The following FGF13 variants were observed in gnomAD, a reference collection of about 807,000 sequenced individuals.
The protein encoded by FGF13 is fibroblast growth factor homologous factor 2.
Under a neutral mutation model 19.5 loss-of-function variants are expected in FGF13, and 2 were observed. That is an observed-to-expected ratio of 0.10 (90% CI 0.04 to 0.32). FGF13 has a LOEUF of 0.32. Ranked by LOEUF, FGF13 falls within the 10% of genes least tolerant of loss-of-function variation. The probability of loss-of-function intolerance (pLI) is 1.00; values close to 1 mark genes in which losing one functional copy is unlikely to be tolerated. For synonymous variants in FGF13, 72 were observed against 76.9 expected (o/e 0.94, Z 0.33); for missense variants, 113 against 192.7 (o/e 0.59, Z 2.45).
chrX:138,838,587 A>G (rs897468963), intron 3 of FGF13, among the ~76,000 whole-genome samples: 2 of 111,520 alleles, frequency 1.8e-5, no homozygotes, highest in African/African-American at 6.5e-5. Flanking sequence ...TTTGTTCTCC[A>G]TGGGTTGAGT....
chrX:138,783,335 G>A (rs2090662827), intron 3 of FGF13, among the ~76,000 whole-genome samples: 2 of 99,065 alleles, frequency 2.0e-5, no homozygotes, highest in African/African-American at 7.7e-5. Flanking sequence ...AAACTAAAGA[G>A]CTTCTGCACA....
chrX:139,096,509 T>C (rs908682411), intron 1 of FGF13, among the ~76,000 whole-genome samples: 6 of 111,853 alleles, frequency 5.4e-5, no homozygotes, highest in Admixed American at 9.5e-5. Flanking sequence ...TTGTGTTTTG[T>C]AAATGGAAAG....
intron 1 of FGF13, among the ~76,000 whole-genome samples, chrX:139,053,748 C>G (rs982054303): frequency 2.7e-5 from 3 of 111,619 alleles, no homozygotes; most frequent in African/African-American, 9.8e-5. Context: ...CTAAAAAGCT[C>G]TTTAGTTTAA....
rs1419088049 is a variant in FGF13, at chrX:138,616,861, G to C, written c.*15989C>G. On this transcript the variant is annotated 3_prime_UTR_variant, in exon 5 of 5. Transcript: ENST00000315930. ...CCAAAGCTTGGGGATTGCACTCTCT[G>C]AAACAATGGCCTGAGCTGTATGTTG... The C allele has an allele frequency of 1.8e-5, 2 of 112,164 alleles. No individual in the cohort carries two copies. Among genetic ancestry groups the C allele is most frequent in the Non-Finnish European group, 3.8e-5 (2 of 53,260 alleles). 9.2% of individuals were successfully genotyped at this position (112,164 alleles called of 1,213,427 possible).
At chrX:138,973,020 G>C (rs1401309374) in intron 1 of FGF13, among the ~76,000 whole-genome samples, 4 of 110,788 alleles carry the variant, frequency 3.6e-5, no homozygotes, top group Non-Finnish European at 7.6e-5. Context: ...GTTTTGCTTT[G>C]ATATTTAGTA....
chrX:139,168,480 A>G (rs1339971694), intron 1 of FGF13, among the ~76,000 whole-genome samples: 1 of 111,830 alleles, frequency 8.9e-6, no homozygotes, highest in African/African-American at 3.2e-5. Flanking sequence ...GTAAATGTTG[A>G]GGGGGAAAAA....
intron 3 of FGF13, among the ~76,000 whole-genome samples, chrX:138,641,705 C>A (rs1477971685): frequency 9.0e-6 from 1 of 111,706 alleles, no homozygotes; most frequent in Non-Finnish European, 1.9e-5. Flanking sequence ...CTTTGATGTT[C>A]TCTTCCAGGG....
intron 1 of FGF13, among the ~76,000 whole-genome samples, chrX:138,937,116 C>A (rs189314559): frequency 1.8e-5 from 2 of 110,445 alleles, no homozygotes; most frequent in South Asian, 4.0e-4. Context: ...ATCTCTACCC[C>A]CTCCTTTATA....
intron 1 of FGF13, among the ~76,000 whole-genome samples, chrX:138,913,291 C>T (rs1187823428): frequency 9.7e-6 from 1 of 103,223 alleles, no homozygotes; most frequent in Non-Finnish European, 2.0e-5. Context: ...CTCAGCCTCC[C>T]GAGTAGCTGG....
At chrX:138,882,332 G>T (rs190630212) in intron 1 of FGF13, among the ~76,000 whole-genome samples, 80 of 111,401 alleles carry the variant, frequency 7.2e-4, no homozygotes, top group South Asian at 2.3e-3. Context: ...ATGTGCACTT[G>T]AGAAAAAATG....
intron 3 of FGF13, among the ~76,000 whole-genome samples, chrX:138,642,733 G>C (rs2089264090): frequency 1.8e-5 from 2 of 111,955 alleles, no homozygotes; most frequent in Non-Finnish European, 3.8e-5. Flanking sequence ...CTTCAAGCTT[G>C]GTTCTCAGAG....
intron 1 of FGF13, among the ~76,000 whole-genome samples, chrX:139,014,224 C>T (rs757761360): frequency 7.2e-5 from 8 of 110,741 alleles, no homozygotes; most frequent in African/African-American, 2.6e-4. Flanking sequence ...AAACCAAACA[C>T]AAAACTAGTG....
At chrX:139,149,518 G>A (rs929981086) in intron 1 of FGF13, among the ~76,000 whole-genome samples, 19 of 112,107 alleles carry the variant, frequency 1.7e-4, no homozygotes, top group African/African-American at 5.2e-4. Context: ...AGTTTAGAAT[G>A]TCCTGAGAAT....
At chrX:138,797,274 G>A (rs113570718) in intron 3 of FGF13, among the ~76,000 whole-genome samples, 41,863 of 110,307 alleles carry the variant, frequency 0.38, 7,071 homozygotes, top group Admixed American at 0.52. Context: ...TTCTGGATAC[G>A]GCTAGCCAGT....
chrX:138,664,788 C>T (rs2089524421), intron 3 of FGF13, among the ~76,000 whole-genome samples: 1 of 110,781 alleles, frequency 9.0e-6, no homozygotes, highest in Non-Finnish European at 1.9e-5. Context: ...ATCTGAACCT[C>T]CCTCTACCAA....
chrX:138,953,918 T>C (rs1264670882), intron 1 of FGF13, among the ~76,000 whole-genome samples: 1 of 111,046 alleles, frequency 9.0e-6, no homozygotes, highest in African/African-American at 3.3e-5. Flanking sequence ...AGAAAAGCCT[T>C]TGTCTCTGGA....
chrX:138,882,581 A>G (rs1279425902), intron 1 of FGF13, among the ~76,000 whole-genome samples: 1 of 111,924 alleles, frequency 8.9e-6, no homozygotes, highest in African/African-American at 3.2e-5. Flanking sequence ...TGTTACATCA[A>G]GGGAAGCATG....
chrX:139,164,688 C>T (rs867065953), intron 1 of FGF13, among the ~76,000 whole-genome samples: 1 of 92,555 alleles, frequency 1.1e-5, no homozygotes, highest in Admixed American at 1.3e-4. Context: ...GACCTTGTCT[C>T]AAATAAATAA....
intron 1 of FGF13, among the ~76,000 whole-genome samples, chrX:139,092,434 C>T (rs1033223997): frequency 8.9e-6 from 1 of 112,203 alleles, no homozygotes; most frequent in African/African-American, 3.2e-5. Flanking sequence ...AGAAAAGTAT[C>T]GAAGTGGGAT....
Sources: gnomAD v4.1 joint callset for allele counts (sites outside exome capture counted in the v4.1 genomes callset) on GRCh38, gnomAD v4.1.1 for gene constraint, MANE v1.5 for transcripts, NCBI Gene and HGNC (gene_info 2026-07-23, HGNC 2026-07-21) for gene names.